AGMO: variants seen among roughly 807,000 people sequenced by gnomAD.
AGMO encodes alkylglycerol monooxygenase.
A neutral mutation model predicts 60.2 loss-of-function variants in AGMO; 75 were observed. The observed-to-expected ratio is 1.25, with a 90% CI of 1.03 to 1.51. AGMO has a LOEUF of 1.51. AGMO is among the 40% of genes most tolerant of loss of function. The probability of loss-of-function intolerance (pLI) is 0.00; values close to 1 mark genes in which losing one functional copy is unlikely to be tolerated. For missense variants in AGMO, 763 were observed against 525.5 expected, an observed-to-expected ratio of 1.45 and a Z score of -4.42; for synonymous variants, 261 against 177.1, an observed-to-expected ratio of 1.47 and a Z score of -3.76.
At chr7:15,382,356 C>T (rs556176149) in intron 10 of AGMO, among the ~76,000 whole-genome samples, 4 of 152,066 alleles carry the variant, frequency 2.6e-5, no homozygotes, top group South Asian at 2.1e-4. Context: ...GGAATGTGCT[C>T]GGGGGAAGTG....
intron 3 of AGMO, among the ~76,000 whole-genome samples, chr7:15,532,333 C>T (rs1217973477): frequency 3.9e-5 from 6 of 152,142 alleles, no homozygotes; most frequent in Admixed American, 3.9e-4. Flanking sequence ...AGCCCATAGG[C>T]TCTGAGATTA....
chr7:15,161,681 G>A, the AGMO span, among the ~76,000 whole-genome samples: 1 of 150,554 alleles, frequency 6.6e-6, no homozygotes, highest in South Asian at 2.1e-4. Context: ...AATGCTATAT[G>A]TATATGTATA....
chr7:15,322,725 T>TATATATAAATATATAA (rs1554413755), intron 12 of AGMO, among the ~76,000 whole-genome samples: 2,183 of 72,776 alleles, frequency 0.03, 152 homozygotes, highest in African/African-American at 0.043. Flanking sequence ...AATATATAAA[T>TATATATAAATATATAA]ATATATATAA....
At chr7:15,374,321 C>T (rs894083838) in intron 10 of AGMO, among the ~76,000 whole-genome samples, 1 of 152,040 alleles carries the variant, frequency 6.6e-6, no homozygotes, top group Non-Finnish European at 1.5e-5. Flanking sequence ...GCTAGAATTT[C>T]AAGCAAGAAG....
At chr7:15,340,244 G>A (rs1781798866) in intron 12 of AGMO, among the ~76,000 whole-genome samples, 1 of 152,046 alleles carries the variant, frequency 6.6e-6, no homozygotes, top group Non-Finnish European at 1.5e-5. Context: ...CCTGCAGTTT[G>A]ACTGTGACCC....
the AGMO span, among the ~76,000 whole-genome samples, chr7:15,195,007 T>C: frequency 2.0e-5 from 3 of 152,158 alleles, no homozygotes; most frequent in Non-Finnish European, 2.9e-5. Flanking sequence ...TTTGCCTGAA[T>C]AGGATAAGGG....
At chr7:15,458,163 G>T (rs1782046313) in intron 3 of AGMO, among the ~76,000 whole-genome samples, 1 of 152,010 alleles carries the variant, frequency 6.6e-6, no homozygotes, top group South Asian at 2.1e-4. Context: ...TACAACTACA[G>T]CCCAAAAAAG....
chr7:15,336,152 T>C lies in AGMO; in HGVS notation c.1263+29362A>G, dbSNP rs149384319. On this transcript the variant is annotated intron_variant, in intron 12 of 12. Coordinates refer to ENST00000342526, the MANE Select transcript of AGMO (RefSeq NM_001004320.2). ...CACCTGCAAACAAAATAACACATAC[T>C]CCCCCAAAATTTCTACAGGTCATCT... 5.4e-3 allele frequency among the ~76,000 whole-genome samples: 818 copies of C among 152,070 alleles called. 13 individuals are homozygous for C. The highest frequency in any genetic ancestry group is 0.019 in the African/African-American group (771 of 41,504).
At chr7:15,337,882 T>C (rs1242693029) in intron 12 of AGMO, among the ~76,000 whole-genome samples, 1 of 152,168 alleles carries the variant, frequency 6.6e-6, no homozygotes, top group Admixed American at 6.5e-5. Flanking sequence ...AAAAGGAAGC[T>C]TCTCTCCAGT....
chr7:15,284,860 C>A (rs772967530), intron 12 of AGMO, among the ~76,000 whole-genome samples: 1 of 152,008 alleles, frequency 6.6e-6, no homozygotes. Flanking sequence ...TCCAACAACA[C>A]ATCAAAAAGA....
chr7:15,454,626 G>A (rs1781949952), intron 3 of AGMO, among the ~76,000 whole-genome samples: 1 of 151,780 alleles, frequency 6.6e-6, no homozygotes. Flanking sequence ...AAGATTATAT[G>A]GAATATATAA....
intron 3 of AGMO, among the ~76,000 whole-genome samples, chr7:15,523,081 CAT>C (rs1422375161): frequency 1.3e-5 from 2 of 152,176 alleles, no homozygotes; most frequent in Admixed American, 6.5e-5. Context: ...GGCCAACAAA[CAT>C]ATGAAAAACA....
chr7:15,227,205 A>G (rs570037432), intron 12 of AGMO, among the ~76,000 whole-genome samples: 115 of 152,166 alleles, frequency 7.6e-4, no homozygotes, highest in Non-Finnish European at 1.4e-3. Context: ...AGTCTAACAT[A>G]AGAGTATATT....
At chr7:15,542,885 G>T (rs922703554) in intron 3 of AGMO, among the ~76,000 whole-genome samples, 1 of 152,116 alleles carries the variant, frequency 6.6e-6, no homozygotes, top group Non-Finnish European at 1.5e-5. Context: ...ACTTCAAATT[G>T]TTCTAATAAA....
chr7:15,403,724 T>C (rs578125429), intron 5 of AGMO, among the ~76,000 whole-genome samples: 82 of 151,962 alleles, frequency 5.4e-4, no homozygotes, highest in Middle Eastern at 3.2e-3. Flanking sequence ...TCAACCTGAA[T>C]GTTTATGGAT....
At chr7:15,382,659 A>T (rs1783738547) in intron 10 of AGMO, among the ~76,000 whole-genome samples, 1 of 152,178 alleles carries the variant, frequency 6.6e-6, no homozygotes, top group African/African-American at 2.4e-5. Context: ...AATCCAAAGG[A>T]ATTAGAGAAG....
chr7:15,123,312 A>G, the AGMO span, among the ~76,000 whole-genome samples: 2 of 152,126 alleles, frequency 1.3e-5, no homozygotes, highest in Admixed American at 6.6e-5. Flanking sequence ...CTAAGATAGT[A>G]TACAGTTTAG....
rs374792388 is a variant in AGMO, at chr7:15,372,791, T to C, written c.1075-6569A>G. On this transcript the variant is annotated intron_variant, in intron 10 of 12. Transcript: ENST00000342526. ...ACTCCCATTTCAAATTATATACTGC[T>C]GGTTTATCTTTCATATAAAGTATCT... Among the ~76,000 whole-genome samples, 183 of 152,346 alleles carry C rather than the reference T, an allele frequency of 1.2e-3. 1 individual carries two copies. The highest frequency in any genetic ancestry group is 4.2e-3 in the African/African-American group (176 of 41,584).
intron 2 of AGMO, among the ~76,000 whole-genome samples, chr7:15,557,349 G>A (rs954548118): frequency 1.3e-5 from 2 of 152,156 alleles, no homozygotes; most frequent in South Asian, 2.1e-4. Flanking sequence ...TTTGAAGGAC[G>A]TGGCAAGCCC....
Sources: gnomAD v4.1 joint callset for allele counts (sites outside exome capture counted in the v4.1 genomes callset) on GRCh38, gnomAD v4.1.1 for gene constraint, MANE v1.5 for transcripts, NCBI Gene and HGNC (gene_info 2026-07-23, HGNC 2026-07-21) for gene names.